CDK19: variants seen among roughly 807,000 people sequenced by gnomAD.
CDK19 encodes the protein cyclin dependent kinase 19.
A neutral mutation model predicts 68.3 loss-of-function variants in CDK19; 20 were observed. The ratio of observed to expected loss-of-function variants is 0.29; its 90% confidence interval spans 0.21 to 0.43. The LOEUF is 0.43. Among genes scored for constraint, CDK19 ranks in the 20% least tolerant of loss-of-function variants. CDK19 has a pLI of 1.00. For synonymous variants in CDK19, 221 were observed against 222.8 expected, an observed-to-expected ratio of 0.99 and a Z score of 0.07; for missense variants, 339 against 623.5, an observed-to-expected ratio of 0.54 and a Z score of 4.86.
At chr6:110,794,289 C>T (rs1239239550) in intron 1 of CDK19, among the ~76,000 whole-genome samples, 4 of 152,006 alleles carry the variant, frequency 2.6e-5, no homozygotes, top group Admixed American at 6.6e-5. Context: ...TCAGGTGATC[C>T]GCCCACCTCG....
intron 2 of CDK19, among the ~76,000 whole-genome samples, chr6:110,680,613 A>G (rs1250689184): frequency 2.0e-5 from 3 of 152,250 alleles, no homozygotes; most frequent in Admixed American, 6.5e-5. Context: ...TAAGTAAATT[A>G]TGGTAAATAG....
At chr6:110,669,789 A>G (rs113174312) in intron 3 of CDK19, among the ~76,000 whole-genome samples, 165 of 152,336 alleles carry the variant, frequency 1.1e-3, no homozygotes, top group African/African-American at 3.8e-3. Context: ...TGCTTCTTTC[A>G]TACGTTGATA....
At chr6:110,726,261 G>A (rs1776307667) in intron 2 of CDK19, among the ~76,000 whole-genome samples, 1 of 152,140 alleles carries the variant, frequency 6.6e-6, no homozygotes, top group Admixed American at 6.5e-5. Flanking sequence ...TACTTTAGGA[G>A]ATAATTAGCA....
chr6:110,733,008 C>A, intron 2 of CDK19, among the ~76,000 whole-genome samples: 1 of 152,062 alleles, frequency 6.6e-6, no homozygotes, highest in Non-Finnish European at 1.5e-5. Context: ...GTGGAGGTTG[C>A]AGTGAGCTGA....
chr6:110,812,428 A>G (rs1241099190), intron 1 of CDK19, among the ~76,000 whole-genome samples: 2 of 152,178 alleles, frequency 1.3e-5, no homozygotes, highest in African/African-American at 2.4e-5. Context: ...GACCCAGAGA[A>G]TATTTTTAAT....
At chr6:110,809,208 A>G (rs1330894542) in intron 1 of CDK19, among the ~76,000 whole-genome samples, 1 of 148,816 alleles carries the variant, frequency 6.7e-6, no homozygotes, top group Admixed American at 6.7e-5. Context: ...GCGAGACTCC[A>G]TCTCAAAAAA....
At chr6:110,705,492 C>T (rs1205346137) in intron 2 of CDK19, among the ~76,000 whole-genome samples, 6 of 151,940 alleles carry the variant, frequency 3.9e-5, no homozygotes, top group African/African-American at 1.5e-4. Context: ...AAGAGATTGC[C>T]CAGAAGCATT....
At chr6:110,778,490 C>T (rs1194126361) in intron 1 of CDK19, among the ~76,000 whole-genome samples, 1 of 152,192 alleles carries the variant, frequency 6.6e-6, no homozygotes, top group Non-Finnish European at 1.5e-5. Flanking sequence ...CTCTAGGTTT[C>T]CCAGCAGAAT....
intron 1 of CDK19, among the ~76,000 whole-genome samples, chr6:110,799,144 TAAA>T (rs369106433): frequency 4.1e-5 from 2 of 49,134 alleles, no homozygotes; most frequent in Admixed American, 2.9e-4. Flanking sequence ...ACCCTGTATT[TAAA>T]AAAAAAAAAA....
intron 1 of CDK19, among the ~76,000 whole-genome samples, chr6:110,766,034 T>A (rs1032204770): frequency 1.3e-5 from 2 of 152,128 alleles, no homozygotes; most frequent in Admixed American, 1.3e-4. Context: ...TGGAAAACAG[T>A]ATGAACATTC....
At chr6:110,712,676 G>A (rs1336606732) in intron 2 of CDK19, among the ~76,000 whole-genome samples, 1 of 152,146 alleles carries the variant, frequency 6.6e-6, no homozygotes, top group African/African-American at 2.4e-5. Flanking sequence ...AAAGATCTAG[G>A]GAAGCCAGCA....
At chr6:110,788,065 C>T (rs1234455486) in intron 1 of CDK19, among the ~76,000 whole-genome samples, 2 of 152,116 alleles carry the variant, frequency 1.3e-5, no homozygotes, top group African/African-American at 4.8e-5. Flanking sequence ...GTCTTGAACT[C>T]CTGACCTCAC....
intron 4 of CDK19, among the ~76,000 whole-genome samples, chr6:110,654,009 A>C (rs138113503): frequency 6.6e-6 from 1 of 152,236 alleles, no homozygotes; most frequent in Non-Finnish European, 1.5e-5. Context: ...AGAGAGAAAA[A>C]GACAAACACA....
At chr6:110,743,625 G>GA (rs1777846268) in intron 2 of CDK19, among the ~76,000 whole-genome samples, 1 of 152,038 alleles carries the variant, frequency 6.6e-6, no homozygotes, top group Non-Finnish European at 1.5e-5. Context: ...CTGGGTGACA[G>GA]AGTGAGATTC....
chr6:110,694,750 G>C (rs1231947274), intron 2 of CDK19, among the ~76,000 whole-genome samples: 1 of 152,052 alleles, frequency 6.6e-6, no homozygotes, highest in African/African-American at 2.4e-5. Context: ...CATATGATAG[G>C]CCCCAAAAAA....
intron 1 of CDK19, among the ~76,000 whole-genome samples, chr6:110,780,847 A>G (rs1780756941): frequency 2.0e-5 from 3 of 152,146 alleles, no homozygotes; most frequent in Admixed American, 2.0e-4. Context: ...GAAAGCAGAC[A>G]GGAGGTGGCA....
intron 1 of CDK19, among the ~76,000 whole-genome samples, chr6:110,770,588 C>T (rs958165048): frequency 2.6e-5 from 4 of 152,136 alleles, no homozygotes; most frequent in Non-Finnish European, 4.4e-5. Context: ...CAGAGCCAAA[C>T]CATATCATTC....
intron 1 of CDK19, 152 bp downstream of exon 1, chr6:110,814,857 G>A (rs1423781275): frequency 3.1e-6 from 3 of 978,762 alleles, no homozygotes; most frequent in African/African-American, 1.7e-5. Context: ...CGGAACGGGC[G>A]CCCCTCGGAG....
At chr6:110,723,102 G>A (rs1344713751) in intron 2 of CDK19, among the ~76,000 whole-genome samples, 1 of 138,864 alleles carries the variant, frequency 7.2e-6, no homozygotes, top group African/African-American at 2.8e-5. Context: ...AGAAGGCTGT[G>A]GAAATGACAA....
Sources: gnomAD v4.1 joint callset for allele counts (sites outside exome capture counted in the v4.1 genomes callset) on GRCh38, gnomAD v4.1.1 for gene constraint, MANE v1.5 for transcripts, NCBI Gene and HGNC (gene_info 2026-07-23, HGNC 2026-07-21) for gene names.